ENAH: variants seen among roughly 807,000 people sequenced by gnomAD.
The protein encoded by ENAH is protein enabled homolog.
ENAH carries 23 observed loss-of-function variants against 78.7 expected under a neutral mutation model. The observed-to-expected ratio is 0.29, with a 90% confidence interval of 0.21 to 0.41. The LOEUF is 0.41. Ranked by LOEUF, ENAH falls within the 10% of genes least tolerant of loss-of-function variation. ENAH has a pLI of 1.00. For missense variants in ENAH, 544 were observed against 691.0 expected (o/e 0.79, Z 2.39); for synonymous variants, 226 against 241.0 (o/e 0.94, Z 0.58).
rs998634537 is a variant in ENAH at position 225,496,444 on chromosome 1, T to G, written c.*1331A>C. ...TCTGTGACCTTAATTGCTGCCATCA[T>G]TGTTATTTCTTGCATTTCAACATAA... On this transcript the variant is annotated 3_prime_UTR_variant, in exon 14 of 14. Coordinates refer to ENST00000366843, the MANE Select transcript of ENAH (RefSeq NM_018212.6). 1 of 152,298 alleles carries G rather than the reference T, an allele frequency of 6.6e-6. No homozygotes were observed. Among genetic ancestry groups the G allele is most frequent in the South Asian group, 2.1e-4 (1 of 4,838 alleles). The allele number at this position is 152,298 out of a possible 1,614,324, so 9.4% of individuals were successfully genotyped here. A position where few individuals can be genotyped will look rare whatever the true frequency, so the allele number is the denominator to read the frequency against.
chr1:225,641,056 G>A (rs1660962412), intron 1 of ENAH, among the ~76,000 whole-genome samples: 1 of 151,732 alleles, frequency 6.6e-6, no homozygotes, highest in South Asian at 2.1e-4. Flanking sequence ...GTAGAGACAG[G>A]GTTTCACCGT....
At chr1:225,560,482 CAA>C (rs111277597) in intron 2 of ENAH, among the ~76,000 whole-genome samples, 10 of 122,114 alleles carry the variant, frequency 8.2e-5, no homozygotes, top group African/African-American at 9.2e-5. Flanking sequence ...CAGAGTGAGA[CAA>C]AAAAAAAAAA....
intron 3 of ENAH, among the ~76,000 whole-genome samples, chr1:225,553,498 T>C (rs1038179853): frequency 6.6e-6 from 1 of 151,992 alleles, no homozygotes; most frequent in African/African-American, 2.4e-5. Context: ...AAACACGGGA[T>C]AGTCAAATGT....
At chr1:225,597,941 T>C (rs963303706) in intron 1 of ENAH, among the ~76,000 whole-genome samples, 7 of 152,108 alleles carry the variant, frequency 4.6e-5, no homozygotes, top group African/African-American at 9.7e-5. Flanking sequence ...CTTAACTTTT[T>C]TTTTTTTTGG....
chr1:225,531,220 T>C (rs977881857), intron 3 of ENAH, among the ~76,000 whole-genome samples: 2 of 152,092 alleles, frequency 1.3e-5, no homozygotes, highest in East Asian at 3.8e-4. Flanking sequence ...AACTTCCATA[T>C]AGTAATTAAC....
chr1:225,523,601 TA>T (rs1266799663), intron 4 of ENAH, among the ~76,000 whole-genome samples: 1 of 152,164 alleles, frequency 6.6e-6, no homozygotes, highest in Non-Finnish European at 1.5e-5. Flanking sequence ...CACTTTAAGC[TA>T]ATTTTTAGCT....
At chr1:225,500,935 G>A (rs1022242921) in intron 12 of ENAH, 57 bp downstream of exon 12, 66 of 1,472,216 alleles carry the variant, frequency 4.5e-5, no homozygotes, top group Non-Finnish European at 5.9e-5. Flanking sequence ...ATGCATATGG[G>A]ATATTTTTTA....
At chr1:225,499,267 CA>C (rs953136509) in intron 12 of ENAH, among the ~76,000 whole-genome samples, 12 of 144,780 alleles carry the variant, frequency 8.3e-5, no homozygotes, top group East Asian at 4.0e-4. Context: ...GACTCTGTCT[CA>C]AAAAAAAAAT....
chr1:225,541,846 G>A (rs892658067), intron 3 of ENAH, among the ~76,000 whole-genome samples: 5 of 152,260 alleles, frequency 3.3e-5, no homozygotes, highest in African/African-American at 1.2e-4. Context: ...AACAAGAGTG[G>A]TTCTAGATGG....
At chr1:225,548,847 AT>A (rs11392563) in intron 3 of ENAH, among the ~76,000 whole-genome samples, 155 of 139,318 alleles carry the variant, frequency 1.1e-3, no homozygotes, top group Middle Eastern at 7.5e-3. Flanking sequence ...TAGTGAACAG[AT>A]TTTTTTTTTT....
chr1:225,511,934 A>C, intron 9 of ENAH, 75 bp from the exon 10 acceptor site: 1 of 947,410 alleles, frequency 1.1e-6, no homozygotes, highest in Admixed American at 2.3e-5. Context: ...TTTTACACGA[A>C]CACTTCTAAT....
In ENAH at chr1:225,497,588, G is replaced by A; in HGVS notation, c.*187C>T. 1 of 451,572 alleles carries A rather than the reference G, an allele frequency of 2.2e-6. No homozygotes were observed. The highest frequency in any genetic ancestry group is 3.2e-5 in the East Asian group (1 of 31,132). The allele number at this position is 451,572 out of a possible 1,614,324, so 28.0% of individuals were successfully genotyped here. A position where few individuals can be genotyped will look rare whatever the true frequency, so the allele number is the denominator to read the frequency against. Reference sequence around the variant, plus strand: ...CAGAAAAAAGCAGCAAACGGAGAGGGAAAGAGCTTATCACCAGAGTCATAA... The same window carrying A: ...CAGAAAAAAGCAGCAAACGGAGAGGAAAAGAGCTTATCACCAGAGTCATAA... On this transcript the variant is annotated 3_prime_UTR_variant, in exon 14 of 14. Transcript: ENST00000366843.
At chr1:225,572,735 C>T (rs996858084) in intron 1 of ENAH, among the ~76,000 whole-genome samples, 1 of 152,158 alleles carries the variant, frequency 6.6e-6, no homozygotes, top group Non-Finnish European at 1.5e-5. Context: ...GTCAGTGAAG[C>T]GACTACGCAA....
At position 225,581,375 on chromosome 1, in the gene ENAH, G is replaced by A. The variant is rs562020540; in HGVS notation, c.6-13961C>T. ...AAGTGTGGCTAATTTTAGCTATAAA[G>A]GCACCAGGCAGAGCCAAGTTAGACA... On this transcript the variant is annotated intron_variant, in intron 1 of 13. Coordinates refer to ENST00000366843, the MANE Select transcript of ENAH (RefSeq NM_018212.6). 1.3e-5 allele frequency: 10 copies of A among 784,584 alleles called. No individual in the cohort carries two copies. In the African/African-American group the frequency reaches 1.5e-4, roughly 12 times the overall value. 48.6% of individuals were successfully genotyped at this position (784,584 alleles called of 1,614,324 possible).
At chr1:225,586,963 CT>C in intron 1 of ENAH, among the ~76,000 whole-genome samples, 1 of 151,254 alleles carries the variant, frequency 6.6e-6, no homozygotes, top group African/African-American at 2.4e-5. Context: ...GTGGGGTTGG[CT>C]GGGGGACAGA....
At chr1:225,591,826 G>C (rs1334834561) in intron 1 of ENAH, among the ~76,000 whole-genome samples, 1 of 147,658 alleles carries the variant, frequency 6.8e-6, no homozygotes, top group Non-Finnish European at 1.5e-5. Context: ...TTTAACATCA[G>C]TACTAAATTA....
intron 1 of ENAH, among the ~76,000 whole-genome samples, chr1:225,590,131 A>G (rs2096868163): frequency 7.3e-6 from 1 of 137,488 alleles, no homozygotes; most frequent in Non-Finnish European, 1.6e-5. Flanking sequence ...ACACACACAC[A>G]GCACCAAGGT....
intron 3 of ENAH, among the ~76,000 whole-genome samples, chr1:225,537,265 A>G (rs571443246): frequency 2.0e-5 from 3 of 152,214 alleles, no homozygotes; most frequent in Non-Finnish European, 4.4e-5. Flanking sequence ...AAGTGTCAGA[A>G]TGCAGGTAAA....
chr1:225,548,210 CTT>C (rs74723965), intron 3 of ENAH, among the ~76,000 whole-genome samples: 1 of 144,170 alleles, frequency 6.9e-6, no homozygotes, highest in Non-Finnish European at 1.5e-5. Flanking sequence ...TTTTCATTTT[CTT>C]TTTTTTTTTT....
Sources: gnomAD v4.1 joint callset for allele counts (sites outside exome capture counted in the v4.1 genomes callset) on GRCh38, gnomAD v4.1.1 for gene constraint, MANE v1.5 for transcripts, NCBI Gene and HGNC (gene_info 2026-07-23, HGNC 2026-07-21) for gene names.